The following SLC37A3 variants were observed in gnomAD, a reference collection of about 807,000 sequenced individuals.
SLC37A3 encodes the protein sugar phosphate exchanger 3.
SLC37A3 carries 51 observed loss-of-function variants against 67.1 expected under a neutral mutation model. That is an observed-to-expected ratio of 0.76 (90% CI 0.61 to 0.96). The LOEUF is 0.96. Ranked by LOEUF, SLC37A3 falls within the 40% of genes least tolerant of loss-of-function variation. The pLI is 0.00. For synonymous variants in SLC37A3, 214 were observed against 231.4 expected (o/e 0.92, Z 0.68); for missense variants, 508 against 603.0 (o/e 0.84, Z 1.65).
chr7:140,336,144 G>A (rs939610789), intron 14 of SLC37A3, among the ~76,000 whole-genome samples: 3 of 152,186 alleles, frequency 2.0e-5, no homozygotes, highest in Non-Finnish European at 2.9e-5. Flanking sequence ...CCACAATAAC[G>A]TGCCTGAGTA....
intron 5 of SLC37A3, among the ~76,000 whole-genome samples, chr7:140,363,751 A>C (rs1797479068): frequency 4.0e-5 from 1 of 24,928 alleles, no homozygotes; most frequent in East Asian, 1.3e-3. Context: ...AAAAAAAAAA[A>C]AAAAAAAAAA....
At chr7:140,337,259 T>G (rs1042906555) in intron 14 of SLC37A3, 25 bp downstream of exon 14, 2 of 1,537,974 alleles carry the variant, frequency 1.3e-6, no homozygotes, top group Non-Finnish European at 1.7e-6. Context: ...ATGACTTTTT[T>G]TTTTTTAAAG....
intron 14 of SLC37A3, 28 bp downstream of exon 14, chr7:140,337,253 CTTT>C (rs11331602): frequency 1.5e-5 from 19 of 1,305,370 alleles, no homozygotes; most frequent in South Asian, 9.4e-5. Context: ...AGAAAAATGA[CTTT>C]TTTTTTTTTA....
intron 4 of SLC37A3, 39 bp from the exon 5 acceptor site, chr7:140,364,530 AAC>A (rs770145400): frequency 3.8e-6 from 6 of 1,582,504 alleles, no homozygotes; most frequent in Middle Eastern, 1.7e-4. Context: ...TCTAAATAAT[AAC>A]ACAGTATGAA....
chr7:140,352,970 T>C (rs1796873387), intron 7 of SLC37A3, among the ~76,000 whole-genome samples: 1 of 152,130 alleles, frequency 6.6e-6, no homozygotes, highest in Admixed American at 6.5e-5. Context: ...AATTTTCATC[T>C]GAACCAACTA....
chr7:140,384,150 GA>G (rs1798359458), intron 1 of SLC37A3, among the ~76,000 whole-genome samples: 1 of 152,142 alleles, frequency 6.6e-6, no homozygotes, highest in Admixed American at 6.6e-5. Flanking sequence ...TGGTATGTCT[GA>G]ATGGCTGAAT....
chr7:140,349,668 T>C (rs186381203), intron 9 of SLC37A3, among the ~76,000 whole-genome samples: 66 of 152,248 alleles, frequency 4.3e-4, no homozygotes, highest in African/African-American at 1.6e-3. Context: ...AGCCACCCCC[T>C]AGAGAGCCAA....
chr7:140,378,471 C>T (rs933088052), intron 3 of SLC37A3, among the ~76,000 whole-genome samples: 3 of 152,186 alleles, frequency 2.0e-5, no homozygotes, highest in Non-Finnish European at 4.4e-5. Flanking sequence ...GGAGCGGTGG[C>T]TCACACCTGT....
At chr7:140,355,625 CAG>C (rs545979829) in intron 7 of SLC37A3, 41 bp downstream of exon 7, 47,191 of 1,141,548 alleles carry the variant, frequency 0.041, no homozygotes, top group South Asian at 0.071. Context: ...CATGTGCACA[CAG>C]AGAGAGAGAG....
At chr7:140,382,368 T>C in intron 2 of SLC37A3, 70 bp downstream of exon 2, 1 of 1,296,282 alleles carries the variant, frequency 7.7e-7, no homozygotes. Context: ...CATTTGACAC[T>C]TGCCATGCAA....
rs1469794160 is a variant in SLC37A3 at position 140,361,183 on chromosome 7, T to C, written c.376-2398A>G. 2.8e-5 allele frequency among the ~76,000 whole-genome samples: 3 copies of C among 107,964 alleles called. No homozygotes were observed. The South Asian group carries it at 9.3e-4, about 34-fold the overall frequency. The allele number at this position is 107,964 out of a possible 152,430, so 70.8% of individuals were successfully genotyped here. ...AACAGGAGAAACAAAAGCACCGAGA[T>C]AGAAAGGAGCAGGATAGGGCCAGGT... On this transcript the variant is annotated intron_variant, in intron 5 of 14. Coordinates refer to ENST00000326232, the MANE Select transcript of SLC37A3 (RefSeq NM_207113.3).
At chr7:140,386,076 C>T (rs1046547222) in intron 1 of SLC37A3, among the ~76,000 whole-genome samples, 2 of 151,898 alleles carry the variant, frequency 1.3e-5, no homozygotes, top group Non-Finnish European at 2.9e-5. Flanking sequence ...AGCCACCATG[C>T]CTGGCCTTAT....
intron 1 of SLC37A3, among the ~76,000 whole-genome samples, chr7:140,391,343 T>TC (rs1471007659): frequency 3.3e-5 from 5 of 152,180 alleles, no homozygotes; most frequent in Admixed American, 3.3e-4. Context: ...TCACTTGAGA[T>TC]CAGGAGCTCG....
intron 5 of SLC37A3, among the ~76,000 whole-genome samples, chr7:140,362,420 G>T (rs1297716463): frequency 1.5e-4 from 2 of 13,376 alleles, no homozygotes; most frequent in Non-Finnish European, 3.5e-4. Flanking sequence ...GAGGGAGGTG[G>T]GGGGGGGGGT....
At chr7:140,380,423 A>G (rs1204971767) in intron 2 of SLC37A3, 33 bp from the exon 3 acceptor site, 3 of 1,427,204 alleles carry the variant, frequency 2.1e-6, no homozygotes, top group Non-Finnish European at 3.0e-6. Context: ...ATGAATGAAT[A>G]GCAAAGAGAA....
At chr7:140,396,714 C>G (rs1798939803) in intron 1 of SLC37A3, among the ~76,000 whole-genome samples, 1 of 152,076 alleles carries the variant, frequency 6.6e-6, no homozygotes, top group Non-Finnish European at 1.5e-5. Context: ...TAGAAAGCAG[C>G]AAGATACTGT....
At position 140,351,132 on chromosome 7, in the gene SLC37A3, G is replaced by C. The variant is rs571541719; in HGVS notation, c.882+141C>G. The C allele has an allele frequency of 9.4e-5, 73 of 780,126 alleles. 2 individuals are homozygous for C. In the East Asian group the frequency reaches 1.7e-3, roughly 18 times the overall value. The allele number at this position is 780,126 out of a possible 1,614,324, so 48.3% of individuals were successfully genotyped here. ...AGATCAGATAAGCTGAGGGGCACTA[G>C]ACAACATTCCTCAGCACGTATATTC... is the stretch of plus-strand genomic sequence containing the variant. On this transcript the variant is annotated intron_variant, in intron 9 of 14. Transcript: ENST00000326232.
intron 4 of SLC37A3, among the ~76,000 whole-genome samples, chr7:140,366,510 C>T (rs1490841987): frequency 6.6e-6 from 1 of 151,934 alleles, no homozygotes; most frequent in East Asian, 1.9e-4. Flanking sequence ...ATTGATTTTT[C>T]ATGGCATTGA....
intron 1 of SLC37A3, among the ~76,000 whole-genome samples, chr7:140,386,567 T>A (rs1194632644): frequency 6.6e-6 from 1 of 152,006 alleles, no homozygotes; most frequent in Non-Finnish European, 1.5e-5. Context: ...TTTTGTCAAG[T>A]CTGAGTCCAT....
Sources: gnomAD v4.1 joint callset for allele counts (sites outside exome capture counted in the v4.1 genomes callset) on GRCh38, gnomAD v4.1.1 for gene constraint, MANE v1.5 for transcripts, NCBI Gene and HGNC (gene_info 2026-07-23, HGNC 2026-07-21) for gene names.